MORC1: variants seen among roughly 807,000 people sequenced by gnomAD.
The protein encoded by MORC1 is MORC family CW-type zinc finger 1, also known as MORC family CW-type zinc finger protein 1.
A neutral mutation model predicts 134.9 loss-of-function variants in MORC1; 59 were observed. The ratio of observed to expected loss-of-function variants is 0.44; its 90% CI spans 0.35 to 0.54. The LOEUF (loss-of-function observed/expected upper bound fraction) is 0.54, where lower values mean the gene tolerates loss of function less well. MORC1 is among the 20% of genes least tolerant of loss of function. MORC1 has a pLI of 0.00. For synonymous variants in MORC1, 395 were observed against 391.7 expected (o/e 1.01, Z -0.10); for missense variants, 947 against 1,134.5 (o/e 0.83, Z 2.37).
rs1947006328 is a variant in MORC1 at position 108,958,893 on chromosome 3, A to AAAAG, written c.*68_*71dup. The AAAAG allele has an allele frequency of 1.1e-5, 13 of 1,190,812 alleles. No individual in the cohort carries two copies. Among genetic ancestry groups the AAAAG allele is most frequent in the Non-Finnish European group, 1.5e-5 (13 of 884,328 alleles). 73.8% of individuals were successfully genotyped at this position (1,190,812 alleles called of 1,614,324 possible). Reference sequence around the variant, plus strand: ...ATAGACTTTACAGTAACAACAACAAAAAAGAAAAATTTTTAAAAGAATCTT... The same window carrying AAAAG: ...ATAGACTTTACAGTAACAACAACAAAAAAGAAAGAAAAATTTTTAAAAGAATCTT... On this transcript the variant is annotated 3_prime_UTR_variant, in exon 28 of 28. Transcript: ENST00000232603.
At chr3:109,109,497 A>T (rs1444115315) in intron 3 of MORC1, among the ~76,000 whole-genome samples, 1 of 152,190 alleles carries the variant, frequency 6.6e-6, no homozygotes, top group Non-Finnish European at 1.5e-5. Context: ...AATCACATTC[A>T]TATTTCAAGC....
At chr3:109,018,399 T>C (rs775422230) in intron 17 of MORC1, among the ~76,000 whole-genome samples, 15 of 152,006 alleles carry the variant, frequency 9.9e-5, no homozygotes, top group Non-Finnish European at 1.8e-4. Context: ...GTTTACATTT[T>C]AAGGGAGGAA....
rs79569293 is a variant in MORC1 at position 109,045,975 on chromosome 3, G to T, written c.1330+8753C>A. Among the ~76,000 whole-genome samples the T allele has an allele frequency of 2.1e-4, 32 of 152,192 alleles. No homozygotes were observed. In the East Asian group the frequency reaches 6.2e-3, roughly 29 times the overall value. On this transcript the variant is annotated intron_variant, in intron 14 of 27. Coordinates refer to ENST00000232603, the MANE Select transcript of MORC1 (RefSeq NM_014429.4). Reference sequence around the variant, plus strand: ...GTGTGAGGACCTCCGTATGCTGCAAGAAACTTTTAGAACCCCCACCCTCAA... The same window carrying T: ...GTGTGAGGACCTCCGTATGCTGCAATAAACTTTTAGAACCCCCACCCTCAA...
chr3:109,075,026 G>T (rs774321457), intron 8 of MORC1, among the ~76,000 whole-genome samples: 7 of 152,082 alleles, frequency 4.6e-5, no homozygotes, highest in Non-Finnish European at 8.8e-5. Context: ...TAGAGTTCTG[G>T]TCTCTTCAAT....
intron 21 of MORC1, among the ~76,000 whole-genome samples, chr3:108,988,315 C>T (rs936148279): frequency 6.6e-6 from 1 of 152,132 alleles, no homozygotes; most frequent in East Asian, 1.9e-4. Flanking sequence ...AATAAGACTA[C>T]TTCTAAGCTA....
intron 14 of MORC1, among the ~76,000 whole-genome samples, chr3:109,036,069 A>G (rs542449446): frequency 1.3e-5 from 2 of 152,248 alleles, no homozygotes; most frequent in South Asian, 4.1e-4. Context: ...ACTGTTAGGA[A>G]TTATCCTTAC....
intron 21 of MORC1, among the ~76,000 whole-genome samples, chr3:108,993,006 T>C (rs1282044003): frequency 1.3e-5 from 2 of 152,216 alleles, no homozygotes; most frequent in African/African-American, 2.4e-5. Context: ...ACCTTGAGAA[T>C]AGATGGCATT....
At chr3:109,057,578 G>T in intron 12 of MORC1, 92 bp from the exon 13 acceptor site, 1 of 1,200,036 alleles carries the variant, frequency 8.3e-7, no homozygotes, top group Non-Finnish European at 1.1e-6. Context: ...GAAGGTTAAC[G>T]TCAAAGGCAT....
intron 14 of MORC1, among the ~76,000 whole-genome samples, chr3:109,037,489 C>G (rs958932282): frequency 1.3e-5 from 2 of 152,192 alleles, no homozygotes; most frequent in Admixed American, 1.3e-4. Flanking sequence ...ATGTGCACAA[C>G]GTGCAGGTTT....
intron 6 of MORC1, among the ~76,000 whole-genome samples, chr3:109,098,170 T>A (rs1231944897): frequency 6.6e-6 from 1 of 152,096 alleles, no homozygotes; most frequent in Non-Finnish European, 1.5e-5. Context: ...TTCAGCCTCC[T>A]GAGTAGCTGG....
intron 14 of MORC1, among the ~76,000 whole-genome samples, chr3:109,041,545 T>C (rs1028408045): frequency 2.0e-5 from 3 of 151,968 alleles, no homozygotes; most frequent in African/African-American, 7.3e-5. Context: ...ACCCCATCTC[T>C]ACTAAAAATG....
intron 7 of MORC1, 56 bp from the exon 8 acceptor site, chr3:109,093,597 T>C: frequency 8.2e-7 from 1 of 1,226,570 alleles, no homozygotes; most frequent in Admixed American, 1.8e-5. Context: ...TAAATGCTAG[T>C]CATTGTGCTA....
At position 109,090,357 on chromosome 3, in the gene MORC1, C is replaced by T. The variant is rs530401604; in HGVS notation, c.689+3079G>A. On this transcript the variant is annotated intron_variant, in intron 8 of 27. Transcript: ENST00000232603. ...TCAAAGCCGGGCGCAGTGACTCACACCTGTAATCCCAGCACTTTGGGAGGC... is the reference window on the plus strand; with the variant it reads ...TCAAAGCCGGGCGCAGTGACTCACATCTGTAATCCCAGCACTTTGGGAGGC... Among the ~76,000 whole-genome samples, 12 of 152,150 alleles carry T rather than the reference C, an allele frequency of 7.9e-5. No individual in the cohort carries two copies. In the East Asian group the frequency reaches 1.5e-3, roughly 20 times the overall value.
At chr3:109,108,904 A>C (rs78373315) in intron 3 of MORC1, among the ~76,000 whole-genome samples, 20 of 147,126 alleles carry the variant, frequency 1.4e-4, no homozygotes, top group Admixed American at 1.3e-3. Flanking sequence ...CGTCTCACAA[A>C]AAAAAAAAAA....
At chr3:109,017,997 A>G (rs1330344463) in intron 17 of MORC1, among the ~76,000 whole-genome samples, 1 of 152,210 alleles carries the variant, frequency 6.6e-6, no homozygotes, top group Non-Finnish European at 1.5e-5. Context: ...AGAAGTGAAT[A>G]TTGGTGGTGC....
At chr3:109,091,124 T>C (rs549633779) in intron 8 of MORC1, among the ~76,000 whole-genome samples, 1 of 152,196 alleles carries the variant, frequency 6.6e-6, no homozygotes, top group South Asian at 2.1e-4. Context: ...TGGTAAACTA[T>C]GTACCATTTT....
chr3:108,959,961 T>C (rs1947037063), intron 27 of MORC1, among the ~76,000 whole-genome samples: 1 of 152,180 alleles, frequency 6.6e-6, no homozygotes, highest in African/African-American at 2.4e-5. Context: ...GAAAAGTTTA[T>C]GGGGACAATG....
intron 2 of MORC1, among the ~76,000 whole-genome samples, chr3:109,111,049 T>TTAAAAAAAAAAAAAAAAAAAAAAAAAAAA (rs1559959167): frequency 2.0e-5 from 1 of 48,906 alleles, no homozygotes; most frequent in Non-Finnish European, 5.1e-5. Context: ...TGGATATAAT[T>TTAAAAAAAAAAAAAAAAAAAAAAAAAAAA]TAAAAAAAAA....
chr3:108,985,997 G>T (rs957141881), intron 22 of MORC1, among the ~76,000 whole-genome samples: 1 of 152,038 alleles, frequency 6.6e-6, no homozygotes, highest in Admixed American at 6.6e-5. Context: ...TAGCTGATTA[G>T]GTTACCTAAG....
Sources: allele counts gnomAD v4.1 joint callset (sites outside exome capture counted in the v4.1 genomes callset), GRCh38; gene constraint gnomAD v4.1.1; transcripts MANE v1.5; gene names NCBI Gene and HGNC (gene_info 2026-07-23, HGNC 2026-07-21).